Variants in CD47 observed in about 807,000 individuals in gnomAD.
The protein encoded by CD47 is CD47 molecule.
In CD47, 11 loss-of-function variants were observed where a neutral mutation model predicts 44.6. The ratio of observed to expected loss-of-function variants is 0.25; its 90% CI spans 0.16 to 0.41. CD47 has a LOEUF of 0.41. Among genes scored for constraint, CD47 ranks in the 10% least tolerant of loss-of-function variants. The pLI, the probability that CD47 is intolerant of heterozygous loss-of-function variation, is 1.00. For missense variants in CD47, 306 were observed against 386.7 expected (o/e 0.79, Z 1.75); for synonymous variants, 140 against 136.3 (o/e 1.03, Z -0.19).
intron 10 of CD47, among the ~76,000 whole-genome samples, chr3:108,048,797 T>TAA (rs945878122): frequency 6.6e-6 from 1 of 152,178 alleles, no homozygotes; most frequent in Non-Finnish European, 1.5e-5. Context: ...TCACAGACTT[T>TAA]AAAACAGTAA....
chr3:108,067,840 A>C (rs1369189622), intron 3 of CD47, among the ~76,000 whole-genome samples: 3 of 152,224 alleles, frequency 2.0e-5, no homozygotes, highest in African/African-American at 4.8e-5. Context: ...CTTCTTCCTC[A>C]GTAGGACCAA....
intron 10 of CD47, among the ~76,000 whole-genome samples, 163 bp from the exon 11 acceptor site, chr3:108,047,455 T>C (rs1230016375): frequency 6.6e-6 from 1 of 152,234 alleles, no homozygotes; most frequent in East Asian, 1.9e-4. Flanking sequence ...TTAGCCTTTT[T>C]AATTTCAGTA....
intron 3 of CD47, among the ~76,000 whole-genome samples, chr3:108,070,059 G>C (rs1352097050): frequency 3.9e-5 from 6 of 152,058 alleles, no homozygotes; most frequent in Non-Finnish European, 8.8e-5. Flanking sequence ...AGCATTTCCA[G>C]AATGCCATAC....
chr3:108,058,504 T>C (rs2078956665), intron 5 of CD47, 75 bp from the exon 6 acceptor site: 2 of 988,722 alleles, frequency 2.0e-6, no homozygotes, highest in Non-Finnish European at 3.0e-6. Context: ...TTGCATTTGG[T>C]ATAATCAGGG....
At chr3:108,058,661 A>G (rs2078959701) in intron 5 of CD47, among the ~76,000 whole-genome samples, 1 of 152,196 alleles carries the variant, frequency 6.6e-6, no homozygotes, top group Admixed American at 6.5e-5. Context: ...GCTGGACTGG[A>G]AGTTTTTACC....
chr3:108,047,142 A>G lies in CD47; in HGVS notation c.*146T>C, dbSNP rs1181953478. Reference sequence around the variant, plus strand: ...TTGAATAAAAACTTAACTAACAATCACGTAAGGGTCTCATAGGTGACAACC... The same window carrying G: ...TTGAATAAAAACTTAACTAACAATCGCGTAAGGGTCTCATAGGTGACAACC... On this transcript the variant is annotated 3_prime_UTR_variant, in exon 11 of 11. Transcript: ENST00000361309. 6.0e-6 allele frequency: 3 copies of G among 497,050 alleles called. No individual in the cohort carries two copies. The highest frequency in any genetic ancestry group is 1.1e-5 in the Non-Finnish European group (3 of 275,692). The allele number at this position is 497,050 out of a possible 1,614,324, so 30.8% of individuals were successfully genotyped here. A position where few individuals can be genotyped will look rare whatever the true frequency, so the allele number is the denominator to read the frequency against.
At chr3:108,069,881 C>T (rs146555300) in intron 3 of CD47, among the ~76,000 whole-genome samples, 3 of 152,160 alleles carry the variant, frequency 2.0e-5, no homozygotes, top group African/African-American at 7.2e-5. Context: ...TACACCAGTC[C>T]TTTTCTTGAC....
intron 1 of CD47, among the ~76,000 whole-genome samples, chr3:108,081,591 AT>A (rs1253867720): frequency 1.6e-4 from 24 of 151,926 alleles, no homozygotes; most frequent in Non-Finnish European, 3.4e-4. Flanking sequence ...CTGAGTAAAA[AT>A]ACTATTTCTG....
chr3:108,065,466 T>C (rs2079086964), intron 3 of CD47, among the ~76,000 whole-genome samples: 1 of 152,128 alleles, frequency 6.6e-6, no homozygotes, highest in Non-Finnish European at 1.5e-5. Flanking sequence ...ATGTGATCAT[T>C]ATATGGACAG....
At chr3:108,059,397 C>A in intron 5 of CD47, 55 bp downstream of exon 5, 1 of 839,332 alleles carries the variant, frequency 1.2e-6, no homozygotes, top group Non-Finnish European at 1.8e-6. Context: ...ACCAAAACTG[C>A]TGTTTTGTAA....
intron 1 of CD47, among the ~76,000 whole-genome samples, chr3:108,088,944 C>T (rs1365230352): frequency 6.6e-6 from 1 of 152,100 alleles, no homozygotes; most frequent in Admixed American, 6.5e-5. Flanking sequence ...CCCTGATTCC[C>T]GGGGCTTAAT....
Position 108,046,159 on chromosome 3 carries a change from G to A in CD47, c.*1129C>T, listed in dbSNP as rs751123067. 1.3e-5 allele frequency: 2 copies of A among 152,612 alleles called. No homozygotes were observed. The highest frequency in any genetic ancestry group is 1.9e-4 in the East Asian group (1 of 5,198). The allele number at this position is 152,612 out of a possible 1,614,324, so 9.5% of individuals were successfully genotyped here. A position where few individuals can be genotyped will look rare whatever the true frequency, so the allele number is the denominator to read the frequency against. On this transcript the variant is annotated 3_prime_UTR_variant, in exon 11 of 11. Transcript: ENST00000361309. ...TTTACTTTTCAATCATAGGGGAAGG[G>A]GAGTACGAGGCAGGACTACAGGAGG...
At chr3:108,066,203 C>T (rs535335085) in intron 3 of CD47, among the ~76,000 whole-genome samples, 8 of 151,530 alleles carry the variant, frequency 5.3e-5, no homozygotes, top group South Asian at 4.2e-4. Flanking sequence ...ACATCTGAGC[C>T]GTAACCAAAA....
intron 5 of CD47, among the ~76,000 whole-genome samples, chr3:108,058,833 A>G (rs2078962575): frequency 6.6e-6 from 1 of 152,198 alleles, no homozygotes; most frequent in Non-Finnish European, 1.5e-5. Flanking sequence ...TCTAGATGTC[A>G]TTTTATAACA....
intron 3 of CD47, among the ~76,000 whole-genome samples, chr3:108,068,388 G>A (rs1277609337): frequency 6.6e-6 from 1 of 152,128 alleles, no homozygotes; most frequent in South Asian, 2.1e-4. Flanking sequence ...CAGGCATGTA[G>A]CTTGGTGTCC....
intron 2 of CD47, among the ~76,000 whole-genome samples, chr3:108,077,048 A>AT (rs978178839): frequency 6.6e-6 from 1 of 152,152 alleles, no homozygotes; most frequent in African/African-American, 2.4e-5. Flanking sequence ...ATATAAAACT[A>AT]TATCTTATAG....
chr3:108,062,844 C>T (rs1386609805), intron 3 of CD47, among the ~76,000 whole-genome samples: 12 of 146,114 alleles, frequency 8.2e-5, no homozygotes, highest in African/African-American at 2.8e-4. Context: ...TTAGTAGAGA[C>T]GGGGTTTCAC....
chr3:108,060,057 A>G (rs1295298730), intron 4 of CD47, among the ~76,000 whole-genome samples: 1 of 152,194 alleles, frequency 6.6e-6, no homozygotes, highest in Non-Finnish European at 1.5e-5. Flanking sequence ...CATGTGCTAC[A>G]TATCCTCATT....
At position 108,059,485 on chromosome 3, in the gene CD47, A is replaced by C; in HGVS notation, c.658T>G (p.Leu220Val). The change falls in exon 5 of 11, where the codon TTA becomes GTA. Residue 220 changes from leucine to valine, a missense_variant. This residue lies in a region of CD47 where 131 missense variants were observed against 135.3 expected (regional missense o/e 0.97). Transcript: ENST00000361309. ...LGLIVTSTGILILLHYYVFST... is the reference protein window; with the variant it reads ...LGLIVTSTGIVILLHYYVFST... ...AACACATAGTAGTGAAGTAATATTAATATCCCTGTAGAAGTCACAATTAAA... is the reference window on the plus strand; with the variant it reads ...AACACATAGTAGTGAAGTAATATTACTATCCCTGTAGAAGTCACAATTAAA... 6.6e-7 allele frequency: 1 copy of C among 1,523,542 alleles called. No individual in the cohort carries two copies. Among genetic ancestry groups the C allele is most frequent in the South Asian group, 1.2e-5 (1 of 80,680 alleles). The allele number at this position is 1,523,542 out of a possible 1,614,324, so 94.4% of individuals were successfully genotyped here.
Sources: gnomAD v4.1 joint callset for allele counts (sites outside exome capture counted in the v4.1 genomes callset) on GRCh38, gnomAD v4.1.1 for gene constraint, gnomAD v4.1.1 regional missense constraint, MANE v1.5 for transcripts, NCBI Gene and HGNC (gene_info 2026-07-23, HGNC 2026-07-21) for gene names.